Variants in PHTF2 observed in about 807,000 individuals in gnomAD.
The protein encoded by PHTF2 is protein PHTF2.
PHTF2 carries 60 observed loss-of-function variants against 101.2 expected under a neutral mutation model. The observed-to-expected ratio is 0.59, with a 90% CI of 0.48 to 0.73. The LOEUF (loss-of-function observed/expected upper bound fraction) is 0.73. Ranked by LOEUF, PHTF2 falls within the 30% of genes least tolerant of loss-of-function variation. The pLI is 0.00. For missense variants in PHTF2, 747 were observed against 908.7 expected, an observed-to-expected ratio of 0.82 and a Z score of 2.29; for synonymous variants, 311 against 307.3, an observed-to-expected ratio of 1.01 and a Z score of -0.13.
chr7:77,800,611 G>C (rs1248663272), intron 1 of PHTF2, among the ~76,000 whole-genome samples: 3 of 152,110 alleles, frequency 2.0e-5, no homozygotes, highest in Non-Finnish European at 4.4e-5. Context: ...AAATGAAGAA[G>C]GTGGCCCACC....
At chr7:77,947,288 G>A (rs377575439) in intron 16 of PHTF2, among the ~76,000 whole-genome samples, 1 of 152,026 alleles carries the variant, frequency 6.6e-6, no homozygotes, top group East Asian at 1.9e-4. Context: ...GAGGCTGAGC[G>A]CGGTGGCTCA....
intron 2 of PHTF2, among the ~76,000 whole-genome samples, chr7:77,846,448 A>G (rs533787155): frequency 1.3e-5 from 2 of 152,346 alleles, no homozygotes; most frequent in East Asian, 3.9e-4. Context: ...TACATATATT[A>G]AATAACACAG....
chr7:77,845,736 A>G (rs146937108), intron 2 of PHTF2, among the ~76,000 whole-genome samples: 21 of 152,326 alleles, frequency 1.4e-4, no homozygotes, highest in Non-Finnish European at 2.5e-4. Flanking sequence ...AGATGGCTCA[A>G]AAGTATTAAG....
At chr7:77,839,342 C>T (rs1002089450) in intron 1 of PHTF2, among the ~76,000 whole-genome samples, 3 of 152,156 alleles carry the variant, frequency 2.0e-5, no homozygotes, top group African/African-American at 7.2e-5. Context: ...GAATCAGTCT[C>T]AAATAACCTC....
At chr7:77,934,208 CT>C (rs1804876794) in intron 12 of PHTF2, among the ~76,000 whole-genome samples, 1 of 152,150 alleles carries the variant, frequency 6.6e-6, no homozygotes, top group African/African-American at 2.4e-5. Context: ...TGAAAAAACA[CT>C]GAGCATTTGA....
At chr7:77,910,083 C>G in intron 8 of PHTF2, 162 bp from the exon 8 acceptor site, 2 of 565,212 alleles carry the variant, frequency 3.5e-6, no homozygotes, top group Non-Finnish European at 6.2e-6. Flanking sequence ...CTTGAATATG[C>G]ATCATGATAT....
At chr7:77,847,419 T>G (rs1796390498) in intron 2 of PHTF2, among the ~76,000 whole-genome samples, 1 of 152,240 alleles carries the variant, frequency 6.6e-6, no homozygotes, top group Non-Finnish European at 1.5e-5. Context: ...TATTTGATTT[T>G]GTGACATTTA....
chr7:77,917,269 A>C (rs528630146), intron 9 of PHTF2, among the ~76,000 whole-genome samples: 5 of 152,236 alleles, frequency 3.3e-5, no homozygotes, highest in Non-Finnish European at 5.9e-5. Flanking sequence ...TGGCACAACA[A>C]AATGTTTTGG....
At chr7:77,911,112 A>G (rs767246307) in intron 9 of PHTF2, among the ~76,000 whole-genome samples, 1 of 152,224 alleles carries the variant, frequency 6.6e-6, no homozygotes, top group Non-Finnish European at 1.5e-5. Context: ...TACTTAAGTG[A>G]ATAAAATGTA....
chr7:77,922,702 G>A (rs370027222), exon 11 of PHTF2: 70 of 1,609,820 alleles, frequency 4.3e-5, no homozygotes, highest in East Asian at 6.7e-5. Context: ...TCATTACGTC[G>A]TCATGTGGAC....
In PHTF2 at chr7:77,898,252, A is replaced by T. The variant is rs192728717; in HGVS notation, c.217-2459A>T. The stretch of plus-strand genomic sequence containing the variant: ...GATTCTTAAAACAATCTTGATAAAA[A>T]TTTTAGGTATACAGCAATAAATTAG... On this transcript the variant is annotated intron_variant, in intron 5 of 19. Transcript: ENST00000416283. 2.9e-4 allele frequency among the ~76,000 whole-genome samples: 44 copies of T among 152,258 alleles called. No homozygotes were observed. The East Asian group carries it at 6.9e-3, about 24-fold the overall frequency.
chr7:77,842,683 C>A (rs1795984161), intron 2 of PHTF2, among the ~76,000 whole-genome samples: 1 of 152,208 alleles, frequency 6.6e-6, no homozygotes, highest in African/African-American at 2.4e-5. Context: ...TCTCCCACTC[C>A]TCATCCTAAT....
intron 1 of PHTF2, among the ~76,000 whole-genome samples, chr7:77,804,096 TATTA>T (rs551765470): frequency 1.4e-3 from 210 of 152,342 alleles, no homozygotes; most frequent in Non-Finnish European, 2.3e-3. Context: ...AAGGAAAAGC[TATTA>T]ATTGTATAGT....
intron 16 of PHTF2, among the ~76,000 whole-genome samples, chr7:77,946,764 C>G (rs1806080451): frequency 1.3e-5 from 2 of 152,038 alleles, no homozygotes; most frequent in Non-Finnish European, 1.5e-5. Context: ...AGGCCTAAAG[C>G]TAGATTTGGC....
chr7:77,942,635 T>C (rs1022671004), intron 15 of PHTF2, 65 bp from the exon 15 acceptor site: 2 of 870,318 alleles, frequency 2.3e-6, no homozygotes, highest in Middle Eastern at 2.2e-4. Context: ...CCATGGAAAT[T>C]ATCTGCTGAT....
At chr7:77,923,714 G>A (rs1803696351) in intron 11 of PHTF2, 1 of 985,266 alleles carries the variant, frequency 1.0e-6, no homozygotes, top group Non-Finnish European at 1.2e-6. Context: ...GTAAAATTTT[G>A]TCTTACTGTA....
intron 3 of PHTF2, among the ~76,000 whole-genome samples, chr7:77,861,789 G>T (rs1355024958): frequency 6.6e-6 from 1 of 152,180 alleles, no homozygotes. Context: ...CAGCTGTGGT[G>T]GTGCATGCCT....
intron 11 of PHTF2, chr7:77,923,201 TC>T (rs1803644550): frequency 1.1e-6 from 1 of 921,344 alleles, no homozygotes; most frequent in Non-Finnish European, 1.3e-6. Flanking sequence ...AGTTCTTTTT[TC>T]TTTGTTTCTA....
chr7:77,847,816 A>C (rs1233378916), intron 2 of PHTF2, among the ~76,000 whole-genome samples: 1 of 152,088 alleles, frequency 6.6e-6, no homozygotes, highest in East Asian at 1.9e-4. Context: ...ATTCTATCTA[A>C]CTGTGGTTTT....
Sources: allele counts gnomAD v4.1 joint callset (sites outside exome capture counted in the v4.1 genomes callset), GRCh38; gene constraint gnomAD v4.1.1; transcripts MANE v1.5; gene names NCBI Gene and HGNC (gene_info 2026-07-23, HGNC 2026-07-21).